The following NREP variants were observed in gnomAD, a reference collection of about 807,000 sequenced individuals.
NREP encodes the protein neuronal regeneration related protein.
NREP carries 5 observed loss-of-function variants against 8.6 expected under a neutral mutation model. The ratio of observed to expected loss-of-function variants is 0.58; its 90% confidence interval spans 0.30 to 1.22. The LOEUF (loss-of-function observed/expected upper bound fraction) is 1.22, where lower values mean the gene tolerates loss of function less well. Ranked by LOEUF, NREP falls within the 50% of genes most tolerant of loss-of-function variation. The probability of loss-of-function intolerance (pLI) is 0.07; values close to 1 mark genes in which losing one functional copy is unlikely to be tolerated. For synonymous variants in NREP, 27 were observed against 28.0 expected, an observed-to-expected ratio of 0.96 and a Z score of 0.11; for missense variants, 86 against 82.5, an observed-to-expected ratio of 1.04 and a Z score of -0.17.
chr5:111,757,403 TGTGTCTCTCTCTTTCTCTAAGA>T (rs1322612831), upstream of NREP: 2 of 968,238 alleles, frequency 2.1e-6, no homozygotes, highest in Non-Finnish European at 2.5e-6. Flanking sequence ...CAAGAGTGTG[TGTGTCTCTCTCTTTCTCTAAGA>T]GTCTCTCTCT....
intron 2 of NREP, among the ~76,000 whole-genome samples, chr5:111,865,019 T>C (rs1753633747): frequency 6.6e-6 from 1 of 152,136 alleles, no homozygotes; most frequent in African/African-American, 2.4e-5. Flanking sequence ...TTATTATTAT[T>C]GTGTATTCAA....
chr5:111,854,981 C>T (rs1753394406), intron 2 of NREP, among the ~76,000 whole-genome samples: 1 of 152,104 alleles, frequency 6.6e-6, no homozygotes, highest in African/African-American at 2.4e-5. Context: ...TATTCATCTA[C>T]CTCCCTACCA....
chr5:111,956,851 C>T (rs1241316700), intron 2 of NREP, among the ~76,000 whole-genome samples: 1 of 151,924 alleles, frequency 6.6e-6, no homozygotes, highest in Non-Finnish European at 1.5e-5. Flanking sequence ...GTAATCCCAG[C>T]TACTTGGGAG....
chr5:111,972,147 C>G (rs1756838314), intron 2 of NREP, among the ~76,000 whole-genome samples: 1 of 152,064 alleles, frequency 6.6e-6, no homozygotes, highest in Admixed American at 6.6e-5. Flanking sequence ...ATCAGCATCA[C>G]TGATCATCAG....
intron 2 of NREP, among the ~76,000 whole-genome samples, chr5:111,743,403 T>C (rs1749805371): frequency 6.6e-6 from 1 of 152,142 alleles, no homozygotes; most frequent in Non-Finnish European, 1.5e-5. Flanking sequence ...ATCTTTTACC[T>C]CCCTGGAGTG....
intron 2 of NREP, chr5:111,846,028 A>G (rs1695764594): frequency 2.6e-5 from 4 of 155,156 alleles, no homozygotes; most frequent in African/African-American, 9.6e-5. Context: ...AGACAGTCAA[A>G]GTCTCCCGTA....
At chr5:111,728,842 A>C (rs1312126175), downstream of NREP, 1 of 152,190 alleles carries the variant, frequency 6.6e-6, no homozygotes, top group Non-Finnish European at 1.5e-5. Flanking sequence ...CTCTTACAAA[A>C]GTTTAAGCTT....
rs1752821765 is a variant in NREP, at chr5:111,833,460, T to G, written c.136-97953A>C. On this transcript the variant is annotated intron_variant, in intron 2 of 3. Coordinates refer to the NREP transcript ENST00000395634. ...AGACTTTTCTCCTTGCAGACCGAGG[T>G]AAAATCTGTTCATCACTAATAAATC... Among the ~76,000 whole-genome samples the G allele has an allele frequency of 3.3e-5, 5 of 152,212 alleles. No individual in the cohort carries two copies. In the South Asian group the frequency reaches 1.0e-3, roughly 32 times the overall value.
At chr5:111,924,375 C>T (rs1197281081) in intron 2 of NREP, among the ~76,000 whole-genome samples, 2 of 151,822 alleles carry the variant, frequency 1.3e-5, no homozygotes, top group Non-Finnish European at 2.9e-5. Context: ...TTTGTGGCAA[C>T]ATCATCCAGG....
intron 2 of NREP, among the ~76,000 whole-genome samples, chr5:111,918,609 G>A (rs998449208): frequency 1.3e-5 from 2 of 152,156 alleles, no homozygotes; most frequent in Non-Finnish European, 2.9e-5. Context: ...AGGCAATGGG[G>A]AAAGGATTCC....
At chr5:111,782,522 A>G (rs530039324) in intron 2 of NREP, among the ~76,000 whole-genome samples, 50 of 152,266 alleles carry the variant, frequency 3.3e-4, no homozygotes, top group African/African-American at 1.2e-3. Flanking sequence ...TGGGTATTTA[A>G]TTTCATTTAT....
chr5:111,954,789 T>C (rs183645481), intron 2 of NREP, among the ~76,000 whole-genome samples: 1 of 152,290 alleles, frequency 6.6e-6, no homozygotes, highest in East Asian at 1.9e-4. Flanking sequence ...AAATGAAGAA[T>C]GTAACTTCAT....
intron 2 of NREP, among the ~76,000 whole-genome samples, chr5:111,970,274 C>T (rs1359206302): frequency 1.3e-5 from 2 of 152,072 alleles, no homozygotes; most frequent in African/African-American, 4.8e-5. Context: ...GTAAAATAAA[C>T]ATATCTGCTT....
intron 2 of NREP, among the ~76,000 whole-genome samples, chr5:111,841,387 G>A (rs1000227329): frequency 2.6e-5 from 4 of 152,072 alleles, no homozygotes; most frequent in Non-Finnish European, 4.4e-5. Flanking sequence ...GAATGTCCCC[G>A]GACAGAAATC....
intron 2 of NREP, among the ~76,000 whole-genome samples, chr5:111,819,880 CA>C (rs1752477286): frequency 6.6e-6 from 1 of 152,142 alleles, no homozygotes; most frequent in African/African-American, 2.4e-5. Flanking sequence ...AACAGACAGA[CA>C]TTAAAACTGG....
intron 2 of NREP, among the ~76,000 whole-genome samples, chr5:111,877,480 T>C (rs890990356): frequency 6.6e-6 from 1 of 152,228 alleles, no homozygotes; most frequent in Non-Finnish European, 1.5e-5. Context: ...GCTTGCTGTT[T>C]AGAAACAAAC....
At chr5:111,734,601 T>G (rs3756605) in intron 3 of NREP, 135,165 of 503,896 alleles carry the variant, frequency 0.27, 22,029 homozygotes, top group African/African-American at 0.58. Context: ...GAATTGTTGA[T>G]ACTATTTAGT....
intron 2 of NREP, among the ~76,000 whole-genome samples, chr5:111,861,315 T>C (rs1370767909): frequency 6.6e-6 from 1 of 152,094 alleles, no homozygotes; most frequent in Non-Finnish European, 1.5e-5. Flanking sequence ...AATTAATGCA[T>C]GAAATGCTTG....
At chr5:111,905,600 G>T (rs1754762380) in intron 2 of NREP, among the ~76,000 whole-genome samples, 1 of 152,062 alleles carries the variant, frequency 6.6e-6, no homozygotes, top group Non-Finnish European at 1.5e-5. Context: ...ACTGCATGTA[G>T]ACAGCAGCAT....
Sources: allele counts gnomAD v4.1 joint callset (sites outside exome capture counted in the v4.1 genomes callset), GRCh38; gene constraint gnomAD v4.1.1; transcripts MANE v1.5; gene names NCBI Gene and HGNC (gene_info 2026-07-23, HGNC 2026-07-21).